ITGA8: variants seen among roughly 807,000 people sequenced by gnomAD.
ITGA8 encodes the protein integrin subunit alpha 8, also known as integrin alpha-8.
Under a neutral mutation model 142.3 loss-of-function variants are expected in ITGA8, and 91 were observed. The observed-to-expected ratio is 0.64, with a 90% CI of 0.54 to 0.76. ITGA8 has a LOEUF of 0.76. ITGA8 is among the 30% of genes least tolerant of loss of function. The probability of loss-of-function intolerance (pLI) is 0.00; values close to 1 mark genes in which losing one functional copy is unlikely to be tolerated. For missense variants in ITGA8, 1,406 were observed against 1,327.7 expected, an observed-to-expected ratio of 1.06 and a Z score of -0.92; for synonymous variants, 505 against 485.2, an observed-to-expected ratio of 1.04 and a Z score of -0.54.
In ITGA8 at chr10:15,670,757, C is replaced by T. The variant is rs145988860; in HGVS notation, c.847+846G>A. On this transcript the variant is annotated intron_variant, in intron 8 of 29. Transcript: ENST00000378076. ...AGCTGAAACCTTTCATGTCTTCTCC[C>T]CTGCACGTTGAATAGATCCCAGAAT... 8.9e-3 allele frequency among the ~76,000 whole-genome samples: 1,359 copies of T among 152,234 alleles called. 17 individuals carry two copies. The highest frequency in any genetic ancestry group is 0.031 in the Middle Eastern group (9 of 294).
chr10:15,700,611 A>G (rs1835144583), intron 2 of ITGA8, among the ~76,000 whole-genome samples: 1 of 152,232 alleles, frequency 6.6e-6, no homozygotes. Flanking sequence ...AGAAGAAATA[A>G]TCAGCAGAAT....
chr10:15,594,135 C>T (rs765929494), intron 21 of ITGA8, among the ~76,000 whole-genome samples: 15 of 152,084 alleles, frequency 9.9e-5, no homozygotes, highest in East Asian at 3.9e-4. Context: ...CCAAAGGGCC[C>T]GGCCGGATGA....
Position 15,646,971 on chromosome 10 carries a change from T to G in ITGA8, c.1082A>C (p.Tyr361Ser). The change falls in exon 12 of 30, where the codon TAC becomes TCC. Residue 361 changes from tyrosine (Y) to serine (S), a missense_variant. Coordinates refer to ENST00000378076, the MANE Select transcript of ITGA8 (RefSeq NM_003638.3). ...GAGAGAGCTCACTTGCAAATACAGG[T>G]AGATTTGCCCTACTTCTCTGGGGTT... ...ESNPREVGQI[Y>S]LYLQVSSLLF... The G allele has an allele frequency of 2.5e-6, 4 of 1,614,048 alleles. No individual in the cohort carries two copies. Among genetic ancestry groups the G allele is most frequent in the Non-Finnish European group, 3.4e-6 (4 of 1,180,004 alleles).
chr10:15,621,368 A>G (rs1466410409), intron 13 of ITGA8, among the ~76,000 whole-genome samples: 1 of 152,166 alleles, frequency 6.6e-6, no homozygotes, highest in Non-Finnish European at 1.5e-5. Context: ...GCATGAATGC[A>G]GGATCAGTTG....
At chr10:15,657,442 T>A (rs1834204583) in intron 10 of ITGA8, among the ~76,000 whole-genome samples, 1 of 151,712 alleles carries the variant, frequency 6.6e-6, no homozygotes, top group Admixed American at 6.6e-5. Flanking sequence ...AGCCCCAAAT[T>A]ACAGCAAAAA....
At chr10:15,548,098 A>ATTTTTTTTTTT (rs1213511861) in intron 27 of ITGA8, among the ~76,000 whole-genome samples, 47 of 147,294 alleles carry the variant, frequency 3.2e-4, no homozygotes, top group African/African-American at 1.2e-3. Flanking sequence ...TCAAGTTTTA[A>ATTTTTTTTTTT]TTTTTTTTTT....
At chr10:15,648,729 C>G (rs1225787271) in intron 11 of ITGA8, among the ~76,000 whole-genome samples, 1 of 152,114 alleles carries the variant, frequency 6.6e-6, no homozygotes, top group African/African-American at 2.4e-5. Flanking sequence ...CAACATCACT[C>G]TAACCTACCC....
intron 27 of ITGA8, among the ~76,000 whole-genome samples, chr10:15,531,375 AATCCATCTATCCAAGC>A (rs1239800711): frequency 1.0e-4 from 12 of 120,112 alleles, no homozygotes; most frequent in East Asian, 5.8e-4. Flanking sequence ...TCGAAGCGTG[AATCCATCTATCCAAGC>A]ATCCATCTAT....
At chr10:15,575,707 TA>T in intron 23 of ITGA8, 113 bp from the exon 24 acceptor site, 1 of 753,582 alleles carries the variant, frequency 1.3e-6, no homozygotes, top group South Asian at 1.5e-5. Context: ...TTTATTTGAG[TA>T]GATACTCCCT....
intron 11 of ITGA8, among the ~76,000 whole-genome samples, chr10:15,651,629 A>C (rs1834087157): frequency 6.6e-6 from 1 of 151,958 alleles, no homozygotes; most frequent in African/African-American, 2.4e-5. Context: ...AACAATGTCT[A>C]CTAGATAGCC....
intron 2 of ITGA8, among the ~76,000 whole-genome samples, chr10:15,709,804 T>C (rs1277754230): frequency 6.6e-6 from 1 of 152,220 alleles, no homozygotes; most frequent in Admixed American, 6.5e-5. Context: ...AAAGTTAATC[T>C]AGAATGAAAA....
intron 13 of ITGA8, among the ~76,000 whole-genome samples, chr10:15,619,307 T>A (rs982292459): frequency 1.3e-5 from 2 of 152,170 alleles, no homozygotes; most frequent in Middle Eastern, 3.4e-3. Context: ...TAAAAAAAAA[T>A]GATCTGAAAG....
chr10:15,537,831 C>T (rs1466112873), intron 27 of ITGA8, among the ~76,000 whole-genome samples: 1 of 152,100 alleles, frequency 6.6e-6, no homozygotes, highest in Non-Finnish European at 1.5e-5. Context: ...TAAAAAGTAA[C>T]AATTGGCTGG....
chr10:15,560,816 A>G (rs566286921), intron 25 of ITGA8, among the ~76,000 whole-genome samples: 19 of 152,316 alleles, frequency 1.2e-4, no homozygotes, highest in Admixed American at 4.6e-4. Context: ...AAAGTGTTAG[A>G]GTAGTGGAGA....
intron 2 of ITGA8, among the ~76,000 whole-genome samples, chr10:15,704,400 C>A (rs1835220264): frequency 6.6e-6 from 1 of 152,272 alleles, no homozygotes; most frequent in Non-Finnish European, 1.5e-5. Flanking sequence ...AGAGTTGTTT[C>A]TTTCCAGAGT....
chr10:15,535,227 G>A (rs1287191826), intron 27 of ITGA8, among the ~76,000 whole-genome samples: 3 of 152,042 alleles, frequency 2.0e-5, no homozygotes, highest in Non-Finnish European at 2.9e-5. Context: ...CCCACCCTCC[G>A]TGGGCTCCTG....
intron 4 of ITGA8, among the ~76,000 whole-genome samples, chr10:15,682,782 T>G (rs758169964): frequency 2.0e-4 from 30 of 149,060 alleles, no homozygotes; most frequent in Middle Eastern, 7.0e-3. Flanking sequence ...GCCCAGGAAG[T>G]CGAGGCTACA....
At chr10:15,686,638 G>T (rs1834837349) in intron 3 of ITGA8, among the ~76,000 whole-genome samples, 1 of 152,144 alleles carries the variant, frequency 6.6e-6, no homozygotes, top group Non-Finnish European at 1.5e-5. Context: ...GATACTTCTG[G>T]AGGTAGGATT....
chr10:15,616,585 C>T (rs1047061996), intron 13 of ITGA8, 26 bp from the exon 14 acceptor site: 3 of 1,600,976 alleles, frequency 1.9e-6, no homozygotes, highest in Non-Finnish European at 8.5e-7. Flanking sequence ...ACACAGAACA[C>T]ATGCGTGAAT....
Sources: gnomAD v4.1 joint callset for allele counts (sites outside exome capture counted in the v4.1 genomes callset) on GRCh38, gnomAD v4.1.1 for gene constraint, MANE v1.5 for transcripts, NCBI Gene and HGNC (gene_info 2026-07-23, HGNC 2026-07-21) for gene names.